The following CLVS1 variants were observed in gnomAD, a reference collection of about 807,000 sequenced individuals.
The protein encoded by CLVS1 is clavesin-1.
A neutral mutation model predicts 33.1 loss-of-function variants in CLVS1; 10 were observed. The observed-to-expected ratio is 0.30, with a 90% confidence interval of 0.19 to 0.51. The LOEUF (loss-of-function observed/expected upper bound fraction) is 0.51, where lower values mean the gene tolerates loss of function less well. Among genes scored for constraint, CLVS1 ranks in the 20% least tolerant of loss-of-function variants. CLVS1 has a pLI of 0.97. For synonymous variants in CLVS1, 163 were observed against 166.1 expected (o/e 0.98, Z 0.14); for missense variants, 343 against 433.4 (o/e 0.79, Z 1.85).
intron 2 of CLVS1, among the ~76,000 whole-genome samples, chr8:61,240,912 A>T (rs56872712): frequency 0.3 from 36,495 of 122,164 alleles, 8,568 homozygotes; most frequent in East Asian, 0.7. Context: ...TTTTTTTTTT[A>T]AAATAGAGAA....
At chr8:61,349,509 A>C (rs1436226424) in intron 2 of CLVS1, among the ~76,000 whole-genome samples, 1 of 152,028 alleles carries the variant, frequency 6.6e-6, no homozygotes, top group Non-Finnish European at 1.5e-5. Context: ...CCATCCCCTG[A>C]GGTGGGGAAC....
At chr8:61,193,115 C>T (rs1418913123) in intron 2 of CLVS1, among the ~76,000 whole-genome samples, 44 of 152,154 alleles carry the variant, frequency 2.9e-4, no homozygotes, top group Admixed American at 2.9e-3. Context: ...GACTTGGAAC[C>T]AACCCAAATG....
chr8:61,455,105 A>G (rs1420490974), intron 4 of CLVS1, among the ~76,000 whole-genome samples: 1 of 152,046 alleles, frequency 6.6e-6, no homozygotes, highest in Non-Finnish European at 1.5e-5. Context: ...TGATGTTTTT[A>G]TATACCTATG....
At chr8:61,497,791 G>T (rs1321721230) in intron 5 of CLVS1, among the ~76,000 whole-genome samples, 1 of 152,142 alleles carries the variant, frequency 6.6e-6, no homozygotes, top group African/African-American at 2.4e-5. Context: ...GCTGCTGGTT[G>T]CCCATTCTTA....
chr8:61,167,548 A>C (rs1806901365), intron 2 of CLVS1, among the ~76,000 whole-genome samples: 1 of 152,176 alleles, frequency 6.6e-6, no homozygotes, highest in South Asian at 2.1e-4. Flanking sequence ...GTCAGTGGAT[A>C]AAAATTACTG....
chr8:61,124,756 G>GA (rs1805940740), intron 1 of CLVS1, among the ~76,000 whole-genome samples: 1 of 152,184 alleles, frequency 6.6e-6, no homozygotes, highest in Admixed American at 6.5e-5. Context: ...ATTGGGTGCA[G>GA]AAAGACAAAG....
chr8:61,414,431 T>G (rs1470481853), intron 3 of CLVS1, among the ~76,000 whole-genome samples: 2 of 151,588 alleles, frequency 1.3e-5, no homozygotes, highest in Non-Finnish European at 2.9e-5. Flanking sequence ...TATTTTTCCA[T>G]TCTTTTTTTC....
Position 61,282,151 on chromosome 8 carries a change from T to C in CLVS1, c.-151-17526T>C, listed in dbSNP as rs142403361. Among the ~76,000 whole-genome samples, 5 of 152,314 alleles carry C rather than the reference T, an allele frequency of 3.3e-5. No individual in the cohort carries two copies. The South Asian group carries it at 8.3e-4, about 25-fold the overall frequency. On this transcript the variant is annotated intron_variant, in intron 2 of 2. Coordinates refer to the CLVS1 transcript ENST00000522621. ...ACTGAGCGGACTACTCTTCACCTGA[T>C]AATGACTAAATAAACCAAACAGATT... is the stretch of plus-strand genomic sequence containing the variant.
intron 2 of CLVS1, among the ~76,000 whole-genome samples, chr8:61,256,717 G>T (rs917615883): frequency 2.0e-5 from 3 of 151,974 alleles, no homozygotes; most frequent in Non-Finnish European, 4.4e-5. Context: ...ACTAGCACAG[G>T]TAACTTTGTT....
chr8:61,086,294 A>G (rs1258044134), intron 1 of CLVS1, among the ~76,000 whole-genome samples: 3 of 152,102 alleles, frequency 2.0e-5, no homozygotes, highest in Non-Finnish European at 4.4e-5. Context: ...TTGAAAACCT[A>G]GGAGACTCAA....
upstream of CLVS1, among the ~76,000 whole-genome samples, chr8:61,286,924 A>C (rs1809794275): frequency 6.6e-6 from 1 of 152,196 alleles, no homozygotes; most frequent in South Asian, 2.1e-4. Flanking sequence ...TTGGCCTTAA[A>C]CAGTTTTCAA....
Position 61,263,640 on chromosome 8 carries a change from C to T in CLVS1, c.-151-36037C>T, listed in dbSNP as rs545389623. Among the ~76,000 whole-genome samples, 9 of 152,234 alleles carry T rather than the reference C, an allele frequency of 5.9e-5. No homozygotes were observed. The South Asian group carries it at 8.3e-4, about 14-fold the overall frequency. On this transcript the variant is annotated intron_variant, in intron 2 of 2. Coordinates refer to the CLVS1 transcript ENST00000522621. ...TGATGAAGTGAATGGAATTTGCAAA[C>T]ACTATAATGCAGCATACTAGGTGTC...
At chr8:61,274,169 T>C (rs1270045800) in intron 2 of CLVS1, 2 of 152,198 alleles carry the variant, frequency 1.3e-5, no homozygotes, top group Non-Finnish European at 1.5e-5. Context: ...TCAACAGTAA[T>C]TTATTGAACA....
intron 3 of CLVS1, among the ~76,000 whole-genome samples, chr8:61,396,557 G>A (rs980766428): frequency 6.6e-6 from 1 of 152,122 alleles, no homozygotes; most frequent in Non-Finnish European, 1.5e-5. Context: ...TGCCATGTAA[G>A]ACACTGATGT....
the CLVS1 span, among the ~76,000 whole-genome samples, chr8:61,006,692 G>T: frequency 1.3e-5 from 2 of 152,128 alleles, no homozygotes; most frequent in Non-Finnish European, 2.9e-5. Flanking sequence ...ATTTTTGTCG[G>T]TGTCTATATA....
intron 2 of CLVS1, among the ~76,000 whole-genome samples, chr8:61,338,905 T>G (rs924923653): frequency 6.6e-6 from 1 of 152,102 alleles, no homozygotes; most frequent in Non-Finnish European, 1.5e-5. Context: ...ATGGACTAAT[T>G]TACAGCCCCT....
chr8:61,152,417 T>C (rs980285707), intron 2 of CLVS1, among the ~76,000 whole-genome samples: 1 of 152,172 alleles, frequency 6.6e-6, no homozygotes, highest in Non-Finnish European at 1.5e-5. Context: ...TCATAAATAA[T>C]AGAAATTTAT....
chr8:61,101,212 A>C (rs1805443110), intron 1 of CLVS1, among the ~76,000 whole-genome samples: 1 of 152,228 alleles, frequency 6.6e-6, no homozygotes. Context: ...CACCAGTAGA[A>C]TATGAGGATT....
At chr8:61,454,333 C>T (rs1313512545) in intron 4 of CLVS1, 82 bp downstream of exon 4, 14 of 978,606 alleles carry the variant, frequency 1.4e-5, no homozygotes, top group Non-Finnish European at 2.3e-5. Flanking sequence ...CTCTCCTTTC[C>T]CCCCTTTTTC....
Sources: allele counts gnomAD v4.1 joint callset (sites outside exome capture counted in the v4.1 genomes callset), GRCh38; gene constraint gnomAD v4.1.1; transcripts MANE v1.5; gene names NCBI Gene and HGNC (gene_info 2026-07-23, HGNC 2026-07-21).